The following UBE3C variants were observed in gnomAD, a reference collection of about 807,000 sequenced individuals.
UBE3C encodes ubiquitin protein ligase E3C, also known as ubiquitin-protein ligase E3C.
Under a neutral mutation model 129.4 loss-of-function variants are expected in UBE3C, and 42 were observed. The ratio of observed to expected loss-of-function variants is 0.32; its 90% CI spans 0.25 to 0.42. UBE3C has a LOEUF of 0.42. UBE3C is among the 10% of genes least tolerant of loss of function. The pLI is 1.00. For synonymous variants in UBE3C, 510 were observed against 492.4 expected (o/e 1.04, Z -0.47); for missense variants, 1,049 against 1,319.1 (o/e 0.80, Z 3.17).
intron 5 of UBE3C, among the ~76,000 whole-genome samples, chr7:157,177,578 T>C (rs1808552884): frequency 6.6e-6 from 1 of 152,200 alleles, no homozygotes. Flanking sequence ...GCTTGTTATG[T>C]GTAGCCCCGC....
At chr7:157,233,368 C>A (rs1049740373) in intron 18 of UBE3C, among the ~76,000 whole-genome samples, 8 of 151,956 alleles carry the variant, frequency 5.3e-5, no homozygotes, top group Non-Finnish European at 7.4e-5. Context: ...ACGGCTCAGT[C>A]CTGCGCTTAA....
intron 1 of UBE3C, among the ~76,000 whole-genome samples, chr7:157,155,348 C>G (rs1807873011): frequency 1.3e-5 from 2 of 152,072 alleles, no homozygotes. Context: ...AGATGTGAAG[C>G]TGATAATTCT....
intron 7 of UBE3C, 58 bp downstream of exon 7, chr7:157,181,729 A>G: frequency 6.4e-7 from 1 of 1,572,996 alleles, no homozygotes; most frequent in African/African-American, 1.4e-5. Flanking sequence ...ATCTGATGGT[A>G]ACTTTTACAT....
intron 13 of UBE3C, 120 bp downstream of exon 13, chr7:157,208,055 CTTTTTTTTTTTTTTTTTTTTTTTT>C (rs35366316): frequency 8.6e-4 from 81 of 93,662 alleles, no homozygotes; most frequent in Admixed American, 2.4e-3. Context: ...ATTTGCAAGA[CTTTTTTTTTTTTTTTTTTTTTTTT>C]TTTTTTTTTT....
chr7:157,242,525 T>TTG (rs1554436981), intron 18 of UBE3C, among the ~76,000 whole-genome samples: 9 of 147,530 alleles, frequency 6.1e-5, no homozygotes, highest in South Asian at 2.2e-4. Context: ...TTTTTTTTTT[T>TTG]TTTTTTTTTT....
At chr7:157,153,213 C>A (rs1176596961) in intron 1 of UBE3C, among the ~76,000 whole-genome samples, 1 of 152,100 alleles carries the variant, frequency 6.6e-6, no homozygotes, top group Non-Finnish European at 1.5e-5. Flanking sequence ...CAAAACAAAA[C>A]AAAATTGTTC....
At chr7:157,244,616 GT>G (rs1796429355) in intron 18 of UBE3C, among the ~76,000 whole-genome samples, 1 of 152,140 alleles carries the variant, frequency 6.6e-6, no homozygotes, top group South Asian at 2.1e-4. Context: ...TCTTAATGTA[GT>G]AAATTACTGA....
At chr7:157,202,504 A>G (rs1246379959) in intron 11 of UBE3C, among the ~76,000 whole-genome samples, 1 of 152,134 alleles carries the variant, frequency 6.6e-6, no homozygotes, top group African/African-American at 2.4e-5. Flanking sequence ...TAAAAATACA[A>G]AAATTAGTCG....
At chr7:157,179,026 T>G (rs1173087348) in intron 6 of UBE3C, among the ~76,000 whole-genome samples, 179 bp downstream of exon 6, 1 of 152,006 alleles carries the variant, frequency 6.6e-6, no homozygotes, top group Non-Finnish European at 1.5e-5. Flanking sequence ...AAATCTGTCC[T>G]TGGCTCCACC....
chr7:157,218,077 G>A (rs948561800), intron 14 of UBE3C, among the ~76,000 whole-genome samples: 24 of 152,118 alleles, frequency 1.6e-4, no homozygotes, highest in African/African-American at 5.8e-4. Flanking sequence ...GGTATTTTCA[G>A]TTCTTGAGAA....
chr7:157,237,374 G>C (rs1037595794), intron 18 of UBE3C, among the ~76,000 whole-genome samples: 2 of 152,106 alleles, frequency 1.3e-5, no homozygotes, highest in Non-Finnish European at 2.9e-5. Flanking sequence ...CCGGGAGGCG[G>C]AGCTTGCAGT....
intron 22 of UBE3C, chr7:157,263,340 C>T (rs557415979): frequency 2.2e-3 from 335 of 152,564 alleles, no homozygotes; most frequent in Admixed American, 4.0e-3. Flanking sequence ...GAATCCGTGC[C>T]CTTTTGTGCC....
chr7:157,222,131 A>G (rs1007405785), intron 15 of UBE3C: 3 of 152,214 alleles, frequency 2.0e-5, no homozygotes, highest in Non-Finnish European at 2.9e-5. Context: ...TTGGCCTCCC[A>G]AAGTACTACG....
At chr7:157,225,729 G>A (rs1795857862) in intron 17 of UBE3C, among the ~76,000 whole-genome samples, 190 bp downstream of exon 17, 1 of 152,142 alleles carries the variant, frequency 6.6e-6, no homozygotes, top group Middle Eastern at 3.2e-3. Flanking sequence ...TGAGAGGATT[G>A]CTTGTGCTCA....
intron 1 of UBE3C, among the ~76,000 whole-genome samples, chr7:157,146,311 G>T (rs1017220204): frequency 6.6e-6 from 1 of 150,818 alleles, no homozygotes; most frequent in African/African-American, 2.4e-5. Context: ...GCGCAATCTC[G>T]GCTCACTGCA....
intron 1 of UBE3C, among the ~76,000 whole-genome samples, chr7:157,147,857 T>C (rs563621711): frequency 6.6e-6 from 1 of 152,348 alleles, no homozygotes; most frequent in African/African-American, 2.4e-5. Flanking sequence ...TTTTAGAATA[T>C]TGAGCCCGTC....
Position 157,178,715 on chromosome 7 carries a change from A to G in UBE3C, c.484A>G (p.Ser162Gly). 6.2e-7 allele frequency: 1 copy of G among 1,614,134 alleles called. No homozygotes were observed. The highest frequency in any genetic ancestry group is 1.1e-5 in the South Asian group (1 of 91,074). The change falls in exon 6 of 23, where the codon AGT becomes GGT. Residue 162 changes from serine (S) to glycine (G), a missense_variant. Physicochemically the swap from Ser to Gly is moderately conservative, Grantham distance 56. Around this residue, in one of 4 missense-constraint regions of UBE3C, gnomAD observed 489 missense variants for 513.8 expected, o/e 0.95. Transcript: ENST00000348165. ...GTTGCTGCAAAACTGTAATGATGAC[A>G]GTTTGAATGTTGCACTTCCAATGAG... ...CRLLQNCNDD[S>G]LNVALPMRML...
chr7:157,208,054 A>T lies in UBE3C; in HGVS notation c.1809+119A>T, dbSNP rs370957217. ...TTTCAGACATGTTTTAATTTGCAAGACTTTTTTTTTTTTTTTTTTTTTTTT... is the reference window on the plus strand; with the variant it reads ...TTTCAGACATGTTTTAATTTGCAAGTCTTTTTTTTTTTTTTTTTTTTTTTT... On this transcript the variant is annotated intron_variant, in intron 13 of 22. Transcript: ENST00000348165. 86 of 114,772 alleles carry T rather than the reference A, an allele frequency of 7.5e-4. 1 individual carries two copies. The East Asian group carries it at 9.1e-3, about 12-fold the overall frequency. 7.1% of individuals were successfully genotyped at this position (114,772 alleles called of 1,614,324 possible).
chr7:157,143,825 C>T (rs934591225), intron 1 of UBE3C, among the ~76,000 whole-genome samples: 7 of 152,084 alleles, frequency 4.6e-5, no homozygotes, highest in Admixed American at 1.3e-4. Flanking sequence ...ATGGTGGCTT[C>T]GAACACAGGT....
Sources: allele counts gnomAD v4.1 joint callset (sites outside exome capture counted in the v4.1 genomes callset), GRCh38; gene constraint gnomAD v4.1.1; regional missense constraint gnomAD v4.1.1; transcripts MANE v1.5; gene names NCBI Gene and HGNC (gene_info 2026-07-23, HGNC 2026-07-21).